Variants in BCR observed in about 807,000 individuals in gnomAD.
BCR encodes breakpoint cluster region protein.
In BCR, 58 loss-of-function variants were observed where a neutral mutation model predicts 138.6. That is an observed-to-expected ratio of 0.42 (90% CI 0.34 to 0.52). The LOEUF (loss-of-function observed/expected upper bound fraction) is 0.52. Among genes scored for constraint, BCR ranks in the 20% least tolerant of loss-of-function variants. BCR has a pLI of 0.06. For synonymous variants in BCR, 786 were observed against 730.1 expected, an observed-to-expected ratio of 1.08 and a Z score of -1.23; for missense variants, 1,599 against 1,727.2, an observed-to-expected ratio of 0.93 and a Z score of 1.32.
At position 23,278,872 on chromosome 22, in the gene BCR, C is replaced by G. The variant is rs1053501212; in HGVS notation, c.2115+5098C>G. 5.3e-5 allele frequency among the ~76,000 whole-genome samples: 8 copies of G among 152,338 alleles called. No homozygotes were observed. The East Asian group carries it at 1.5e-3, about 29-fold the overall frequency. ...GTTCTCAGCTCCACTGGACACCAAA[C>G]AGAAGCTGTAAGTGCAAGGCTAGTG... On this transcript the variant is annotated intron_variant, in intron 8 of 22. Coordinates refer to ENST00000305877, the MANE Select transcript of BCR (RefSeq NM_004327.4).
chr22:23,237,203 A>G (rs532424232), intron 1 of BCR, among the ~76,000 whole-genome samples: 1 of 152,350 alleles, frequency 6.6e-6, no homozygotes, highest in East Asian at 1.9e-4. Context: ...AGAATGCAGC[A>G]TACCACAGTC....
At chr22:23,281,400 G>T (rs1435245158) in intron 8 of BCR, among the ~76,000 whole-genome samples, 1 of 152,230 alleles carries the variant, frequency 6.6e-6, no homozygotes, top group Non-Finnish European at 1.5e-5. Context: ...GACGACTCGG[G>T]TGGGCTATGC....
intron 1 of BCR, 80 bp downstream of exon 1, chr22:23,182,319 AGTT>A: frequency 7.1e-7 from 1 of 1,413,210 alleles, no homozygotes; most frequent in Non-Finnish European, 9.3e-7. Context: ...ACAAAACAGA[AGTT>A]GGGAGGGAGG....
chr22:23,240,418 G>A (rs926143723), intron 1 of BCR, among the ~76,000 whole-genome samples: 5 of 151,650 alleles, frequency 3.3e-5, no homozygotes, highest in African/African-American at 1.2e-4. Context: ...TTGGGAGGCT[G>A]AGGCGGGTGG....
intron 16 of BCR, among the ~76,000 whole-genome samples, chr22:23,299,127 G>T (rs2073876940): frequency 6.7e-6 from 1 of 149,686 alleles, no homozygotes; most frequent in Admixed American, 6.6e-5. Flanking sequence ...CTCCCGAGTA[G>T]CCGGGACTAC....
At chr22:23,231,133 C>G (rs189972781) in intron 1 of BCR, among the ~76,000 whole-genome samples, 1 of 152,090 alleles carries the variant, frequency 6.6e-6, no homozygotes, top group South Asian at 2.1e-4. Context: ...GGAAGCTGCC[C>G]TTTTTTCCTA....
rs146977212 is a variant in BCR at position 23,193,980 on chromosome 22, C to T, written c.1279+11741C>T. Reference sequence around the variant, plus strand: ...CCCAGGGGTGCCAAGGGTGGGCTGGCAATGCCCACATCCAGTTCTCTGTCC... The same window carrying T: ...CCCAGGGGTGCCAAGGGTGGGCTGGTAATGCCCACATCCAGTTCTCTGTCC... On this transcript the variant is annotated intron_variant, in intron 1 of 22. Transcript: ENST00000305877. Among the ~76,000 whole-genome samples, 186 of 152,324 alleles carry T rather than the reference C, an allele frequency of 1.2e-3. 1 individual carries two copies. The highest frequency in any genetic ancestry group is 5.4e-3 in the East Asian group (28 of 5,180).
At chr22:23,189,156 G>A (rs1569237600) in intron 1 of BCR, among the ~76,000 whole-genome samples, 2 of 152,126 alleles carry the variant, frequency 1.3e-5, no homozygotes, top group Non-Finnish European at 2.9e-5. Flanking sequence ...CACTGCGCCC[G>A]GCTAAAATTT....
chr22:23,263,569 T>G, intron 4 of BCR: 1 of 1,567,176 alleles, frequency 6.4e-7, no homozygotes, highest in Non-Finnish European at 8.8e-7. Context: ...GGTGCCAGCT[T>G]GAACCGTCAG....
Position 23,287,292 on chromosome 22 carries a change from G to C in BCR, c.2526+14G>C, listed in dbSNP as rs868138471. ...CGCAACGGCAAGGTGAGCGCCTGCT[G>C]TTCCGGCCCCTCCTGCTCTCCTGGC... On this transcript the variant is annotated intron_variant, in intron 11 of 22. Coordinates refer to ENST00000305877, the MANE Select transcript of BCR (RefSeq NM_004327.4). 6.5e-7 allele frequency: 1 copy of C among 1,526,944 alleles called. No homozygotes were observed. Among genetic ancestry groups the C allele is most frequent in the Admixed American group, 2.0e-5 (1 of 49,146 alleles). 94.6% of individuals were successfully genotyped at this position (1,526,944 alleles called of 1,614,324 possible).
At chr22:23,272,456 C>T (rs1302442970) in intron 6 of BCR, among the ~76,000 whole-genome samples, 3 of 152,114 alleles carry the variant, frequency 2.0e-5, no homozygotes, top group Non-Finnish European at 4.4e-5. Context: ...GTGCCTGGGA[C>T]GGGCCACACT....
chr22:23,195,812 C>T (rs1015048978), intron 1 of BCR, among the ~76,000 whole-genome samples: 5 of 152,254 alleles, frequency 3.3e-5, no homozygotes, highest in South Asian at 2.1e-4. Context: ...GGCTTGAACC[C>T]GGGAGGCGGA....
intron 1 of BCR, among the ~76,000 whole-genome samples, chr22:23,233,608 T>C (rs2072984444): frequency 6.6e-6 from 1 of 151,832 alleles, no homozygotes; most frequent in African/African-American, 2.4e-5. Flanking sequence ...GCTAACATGG[T>C]GAAACCCCGT....
chr22:23,246,976 C>T (rs902333150), intron 1 of BCR, among the ~76,000 whole-genome samples: 16 of 152,024 alleles, frequency 1.1e-4, no homozygotes, highest in Admixed American at 1.3e-4. Context: ...TATGGATGAG[C>T]GTGGGGTGCA....
chr22:23,265,324 G>A (rs1286541963), intron 4 of BCR, among the ~76,000 whole-genome samples: 2 of 152,252 alleles, frequency 1.3e-5, no homozygotes, highest in Non-Finnish European at 2.9e-5. Flanking sequence ...TGGGCTGGGT[G>A]CTGGGGACTC....
intron 6 of BCR, among the ~76,000 whole-genome samples, chr22:23,271,887 G>T (rs541880868): frequency 1.3e-4 from 19 of 151,116 alleles, no homozygotes; most frequent in Non-Finnish European, 2.5e-4. Context: ...TTTTTGAGGC[G>T]GAGTTTTGGC....
At chr22:23,226,403 C>T (rs543084008) in intron 1 of BCR, among the ~76,000 whole-genome samples, 10 of 151,758 alleles carry the variant, frequency 6.6e-5, no homozygotes, top group Admixed American at 2.0e-4. Context: ...AAAGGATCTT[C>T]TTTTGTCTTA....
intron 1 of BCR, among the ~76,000 whole-genome samples, chr22:23,252,915 C>T (rs1191798659): frequency 6.6e-6 from 1 of 152,212 alleles, no homozygotes; most frequent in Non-Finnish European, 1.5e-5. Flanking sequence ...ACATTGTCTA[C>T]CTGGAGTTAG....
intron 1 of BCR, among the ~76,000 whole-genome samples, chr22:23,203,807 G>A (rs939380955): frequency 3.3e-5 from 5 of 152,244 alleles, no homozygotes; most frequent in Admixed American, 6.5e-5. Flanking sequence ...TGCATCGTGA[G>A]TTAGGTCTGC....
Sources: gnomAD v4.1 joint callset for allele counts (sites outside exome capture counted in the v4.1 genomes callset) on GRCh38, gnomAD v4.1.1 for gene constraint, MANE v1.5 for transcripts, NCBI Gene and HGNC (gene_info 2026-07-23, HGNC 2026-07-21) for gene names.